Variants in VAV3 observed in about 807,000 individuals in gnomAD.
VAV3 encodes guanine nucleotide exchange factor VAV3.
Under a neutral mutation model 131.2 loss-of-function variants are expected in VAV3, and 94 were observed. The observed-to-expected ratio is 0.72, with a 90% confidence interval of 0.61 to 0.85. VAV3 has a LOEUF of 0.85. Among genes scored for constraint, VAV3 ranks in the 40% least tolerant of loss-of-function variants. The pLI is 0.00. For synonymous variants in VAV3, 349 were observed against 342.0 expected (o/e 1.02, Z -0.22); for missense variants, 939 against 1,002.7 (o/e 0.94, Z 0.86).
rs767828054 is a variant in VAV3, at chr1:107,573,350, T to C, written c.2525A>G (p.Tyr842Cys). The part of the protein sequence containing the change: ...NGRVGWFPST[Y>C]VEEDE ...TTGAATTTATTCATCCTCTTCCACA[T>C]ATGTGGATGGAAACCAGCCCACCTA... Residue 842 changes from tyrosine to cysteine, a missense_variant, in exon 27 of 27, where the codon TAT (tyrosine) becomes TGT (cysteine). Transcript: ENST00000370056. The C allele has an allele frequency of 1.2e-6, 2 of 1,614,122 alleles. No individual in the cohort carries two copies. Among genetic ancestry groups the C allele is most frequent in the African/African-American group, 2.7e-5 (2 of 75,036 alleles).
intron 1 of VAV3, among the ~76,000 whole-genome samples, chr1:107,939,259 A>G (rs1673870144): frequency 6.6e-6 from 1 of 152,206 alleles, no homozygotes; most frequent in Admixed American, 6.5e-5. Flanking sequence ...AAGTCCAAAA[A>G]TGTTAAATTC....
At chr1:107,859,573 G>A (rs1669643114) in intron 2 of VAV3, among the ~76,000 whole-genome samples, 1 of 152,068 alleles carries the variant, frequency 6.6e-6, no homozygotes, top group African/African-American at 2.4e-5. Context: ...AATATTTACT[G>A]AGTCCCTTCC....
chr1:107,663,095 C>T (rs1345200988), intron 19 of VAV3, among the ~76,000 whole-genome samples: 1 of 152,070 alleles, frequency 6.6e-6, no homozygotes, highest in African/African-American at 2.4e-5. Context: ...AACCAAAAAA[C>T]GTATTTAAGA....
At chr1:107,953,836 G>A (rs1299126814) in intron 1 of VAV3, among the ~76,000 whole-genome samples, 1 of 152,192 alleles carries the variant, frequency 6.6e-6, no homozygotes, top group Non-Finnish European at 1.5e-5. Flanking sequence ...TGAGTATCAA[G>A]TGTATCATTA....
At chr1:107,619,524 G>C (rs932175468) in intron 20 of VAV3, among the ~76,000 whole-genome samples, 1 of 152,098 alleles carries the variant, frequency 6.6e-6, no homozygotes, top group Non-Finnish European at 1.5e-5. Flanking sequence ...TGCTACCTGA[G>C]TGCAAAATAT....
At chr1:107,634,535 G>A (rs995463694) in intron 20 of VAV3, among the ~76,000 whole-genome samples, 3 of 152,010 alleles carry the variant, frequency 2.0e-5, no homozygotes, top group Non-Finnish European at 2.9e-5. Context: ...GAAAACCTAG[G>A]CAATACCATT....
chr1:107,843,428 C>T (rs944528776), intron 2 of VAV3, among the ~76,000 whole-genome samples: 1 of 147,334 alleles, frequency 6.8e-6, no homozygotes, highest in Non-Finnish European at 1.5e-5. Context: ...CTAGTGGTAG[C>T]TCAAATTGGA....
intron 4 of VAV3, among the ~76,000 whole-genome samples, chr1:107,774,630 G>A (rs751635700): frequency 1.3e-5 from 2 of 152,106 alleles, no homozygotes; most frequent in Non-Finnish European, 2.9e-5. Context: ...ACCTACATAC[G>A]GGCATGTCTG....
intron 2 of VAV3, 74 bp downstream of exon 2, chr1:107,874,827 T>G: frequency 3.1e-6 from 4 of 1,296,980 alleles, no homozygotes; most frequent in Admixed American, 1.7e-5. Context: ...TCACATGCCC[T>G]ACTTCAAGAT....
At chr1:107,700,478 G>T (rs1660039377) in intron 17 of VAV3, among the ~76,000 whole-genome samples, 1 of 151,126 alleles carries the variant, frequency 6.6e-6, no homozygotes, top group African/African-American at 2.5e-5. Context: ...ACAGACCCCA[G>T]TGTGTGTTGT....
chr1:107,714,452 T>A (rs1660973078), intron 15 of VAV3, among the ~76,000 whole-genome samples: 1 of 152,140 alleles, frequency 6.6e-6, no homozygotes, highest in Non-Finnish European at 1.5e-5. Context: ...GACTTTCCCA[T>A]AAGATACAAT....
rs57288177 is a variant in VAV3 at position 107,798,718 on chromosome 1, CAAAAAAAAAAA to C, written c.322-19237_322-19227del. On this transcript the variant is annotated intron_variant, in intron 2 of 26. Coordinates refer to ENST00000370056, the MANE Select transcript of VAV3 (RefSeq NM_006113.5). ...TGGGCAACATAGCAAGACTCCCTCTCAAAAAAAAAAAAAAAAAAAAAAAAAAGAAGAACATG... is the reference window on the plus strand; with the variant it reads ...TGGGCAACATAGCAAGACTCCCTCTCAAAAAAAAAAAAAAAGAAGAACATG... Among the ~76,000 whole-genome samples, 428 of 49,542 alleles carry C rather than the reference CAAAAAAAAAAA, an allele frequency of 8.6e-3. 1 individual carries two copies. Among genetic ancestry groups the C allele is most frequent in the African/African-American group, 0.033 (415 of 12,532 alleles). 32.5% of individuals were successfully genotyped at this position (49,542 alleles called of 152,430 possible).
At chr1:107,961,859 A>T (rs1675107398) in intron 1 of VAV3, among the ~76,000 whole-genome samples, 1 of 152,224 alleles carries the variant, frequency 6.6e-6, no homozygotes, top group African/African-American at 2.4e-5. Flanking sequence ...AGCAGTCATT[A>T]TTTGCAGTTA....
At chr1:107,960,925 T>C (rs1039222576) in intron 1 of VAV3, among the ~76,000 whole-genome samples, 26 of 151,150 alleles carry the variant, frequency 1.7e-4, no homozygotes, top group African/African-American at 5.8e-4. Flanking sequence ...ATATAAATAA[T>C]TATATACAAT....
At chr1:107,963,035 G>T (rs1001634486) in intron 1 of VAV3, among the ~76,000 whole-genome samples, 15 of 152,166 alleles carry the variant, frequency 9.9e-5, no homozygotes, top group African/African-American at 3.6e-4. Flanking sequence ...AACATAAGAG[G>T]AGAAGAGTGA....
chr1:107,763,704 T>C (rs980748678), intron 9 of VAV3, among the ~76,000 whole-genome samples: 5 of 152,106 alleles, frequency 3.3e-5, no homozygotes, highest in Admixed American at 1.3e-4. Flanking sequence ...TATTAAGATA[T>C]AAAGCAAAAA....
chr1:107,705,354 G>GA (rs376720993), intron 15 of VAV3, among the ~76,000 whole-genome samples: 40,518 of 129,298 alleles, frequency 0.31, 6,005 homozygotes, highest in Admixed American at 0.36. Context: ...AACCTGCCTG[G>GA]AAAAAAAAAA....
At chr1:107,617,936 C>T (rs770360898) in intron 20 of VAV3, among the ~76,000 whole-genome samples, 1 of 152,112 alleles carries the variant, frequency 6.6e-6, no homozygotes, top group African/African-American at 2.4e-5. Context: ...TGGACACCAA[C>T]GTTTTTGGCC....
chr1:107,757,457 T>C, intron 10 of VAV3, 128 bp from the exon 11 acceptor site: 1 of 795,958 alleles, frequency 1.3e-6, no homozygotes, highest in Non-Finnish European at 1.9e-6. Context: ...CTAATATGTC[T>C]GGGCTCCATT....
Sources: gnomAD v4.1 joint callset for allele counts (sites outside exome capture counted in the v4.1 genomes callset) on GRCh38, gnomAD v4.1.1 for gene constraint, MANE v1.5 for transcripts, NCBI Gene and HGNC (gene_info 2026-07-23, HGNC 2026-07-21) for gene names.